The following CAMK1D variants were observed in gnomAD, a reference collection of about 807,000 sequenced individuals.
CAMK1D encodes the protein calcium/calmodulin-dependent protein kinase type 1D.
A neutral mutation model predicts 47.7 loss-of-function variants in CAMK1D; 9 were observed. The ratio of observed to expected loss-of-function variants is 0.19; its 90% CI spans 0.11 to 0.33. The LOEUF (loss-of-function observed/expected upper bound fraction) is 0.33, where lower values mean the gene tolerates loss of function less well. Among genes scored for constraint, CAMK1D ranks in the 10% least tolerant of loss-of-function variants. The pLI, the probability that CAMK1D is intolerant of heterozygous loss-of-function variation, is 1.00. For synonymous variants in CAMK1D, 184 were observed against 184.9 expected (o/e 0.99, Z 0.04); for missense variants, 291 against 488.7 (o/e 0.60, Z 3.81).
At chr10:12,472,435 C>G (rs1054116596) in intron 1 of CAMK1D, among the ~76,000 whole-genome samples, 5 of 152,120 alleles carry the variant, frequency 3.3e-5, no homozygotes, top group Non-Finnish European at 7.4e-5. Context: ...GCAGGGAGGC[C>G]TCGCTTGTTG....
At chr10:12,773,361 C>T (rs1204958738) in intron 5 of CAMK1D, among the ~76,000 whole-genome samples, 1 of 152,122 alleles carries the variant, frequency 6.6e-6, no homozygotes, top group Non-Finnish European at 1.5e-5. Context: ...CTCAGATGGT[C>T]GAGTTCCTGG....
At chr10:12,630,110 AGC>A (rs1353919899) in intron 2 of CAMK1D, among the ~76,000 whole-genome samples, 2 of 152,204 alleles carry the variant, frequency 1.3e-5, no homozygotes, top group African/African-American at 4.8e-5. Flanking sequence ...AGTTCTTTCT[AGC>A]CATAAGGATG....
chr10:12,463,051 C>T (rs184311911), intron 1 of CAMK1D, among the ~76,000 whole-genome samples: 331 of 152,088 alleles, frequency 2.2e-3, no homozygotes, highest in African/African-American at 7.5e-3. Flanking sequence ...CAGCAGCTGG[C>T]ACTCATATCT....
At chr10:12,553,414 A>C (rs1588626022) in intron 2 of CAMK1D, 58 bp downstream of exon 2, 28 of 1,434,032 alleles carry the variant, frequency 2.0e-5, no homozygotes, top group South Asian at 6.9e-5. Flanking sequence ...TGTGTCCTGC[A>C]GGAGTCCTGC....
At chr10:12,817,503 T>C (rs1355848355) in intron 8 of CAMK1D, among the ~76,000 whole-genome samples, 2 of 152,210 alleles carry the variant, frequency 1.3e-5, no homozygotes, top group East Asian at 3.9e-4. Context: ...CCAGCTTCAC[T>C]ATCAGCTAGC....
rs142068960 is a variant in CAMK1D, at chr10:12,413,262, G to A, written c.92+63352G>A. Among the ~76,000 whole-genome samples, 529 of 152,218 alleles carry A rather than the reference G, an allele frequency of 3.5e-3. 4 individuals are homozygous for A. The highest frequency in any genetic ancestry group is 0.012 in the African/African-American group (513 of 41,528). ...AAGCAGGAGCAAGTGAGAGCGAGGC[G>A]GGAAGGGGAGTGCCACACACTTGCA... On this transcript the variant is annotated intron_variant, in intron 1 of 10. Coordinates refer to ENST00000619168, the MANE Select transcript of CAMK1D (RefSeq NM_153498.4).
intron 1 of CAMK1D, among the ~76,000 whole-genome samples, chr10:12,392,438 C>T (rs1480634979): frequency 6.6e-6 from 1 of 152,252 alleles, no homozygotes; most frequent in East Asian, 1.9e-4. Flanking sequence ...AAGGACTTCC[C>T]ATAAGTAGCA....
intron 3 of CAMK1D, among the ~76,000 whole-genome samples, chr10:12,758,166 A>G (rs1488225283): frequency 6.6e-6 from 1 of 151,926 alleles, no homozygotes; most frequent in Non-Finnish European, 1.5e-5. Flanking sequence ...TCTTGACTTC[A>G]TCTAAACCTA....
intron 1 of CAMK1D, among the ~76,000 whole-genome samples, chr10:12,470,942 G>A (rs56185721): frequency 0.089 from 13,489 of 152,264 alleles, 676 homozygotes; most frequent in East Asian, 0.14. Flanking sequence ...GCGTGTGTGC[G>A]TGGTGGGGCT....
chr10:12,821,696 C>T (rs566687855), intron 8 of CAMK1D, among the ~76,000 whole-genome samples: 65 of 152,294 alleles, frequency 4.3e-4, no homozygotes, highest in African/African-American at 1.3e-3. Flanking sequence ...GAAAGCTGGC[C>T]GGGTGTGGTG....
At chr10:12,624,724 A>G (rs956157388) in intron 2 of CAMK1D, among the ~76,000 whole-genome samples, 2 of 152,174 alleles carry the variant, frequency 1.3e-5, no homozygotes, top group African/African-American at 2.4e-5. Context: ...TCATTTAGAG[A>G]AATACATTTC....
At chr10:12,773,361 C>G (rs1204958738) in intron 5 of CAMK1D, among the ~76,000 whole-genome samples, 3 of 152,122 alleles carry the variant, frequency 2.0e-5, no homozygotes, top group African/African-American at 7.2e-5. Context: ...CTCAGATGGT[C>G]GAGTTCCTGG....
chr10:12,694,153 ATATATATTATGCATAATATAT>A lies in CAMK1D; in HGVS notation c.299+27344_299+27364del, dbSNP rs1833100399. Among the ~76,000 whole-genome samples, 2 of 46,734 alleles carry A rather than the reference ATATATATTATGCATAATATAT, an allele frequency of 4.3e-5. 1 individual carries two copies. The highest frequency in any genetic ancestry group is 6.8e-5 in the Non-Finnish European group (2 of 29,252). The allele number at this position is 46,734 out of a possible 152,430, so 30.7% of individuals were successfully genotyped here. On this transcript the variant is annotated intron_variant, in intron 3 of 10. Transcript: ENST00000619168. The stretch of plus-strand genomic sequence containing the variant: ...TATATTATATATAATATAATATATA[ATATATATTATGCATAATATAT>A]ATTATATATAATATAATATATATTA...
intron 1 of CAMK1D, among the ~76,000 whole-genome samples, chr10:12,420,255 G>A (rs1309624847): frequency 6.6e-6 from 1 of 152,184 alleles, no homozygotes; most frequent in Non-Finnish European, 1.5e-5. Context: ...ACCACGCCTG[G>A]CCCATGTCTA....
At chr10:12,809,498 A>G (rs770864154) in intron 6 of CAMK1D, among the ~76,000 whole-genome samples, 5 of 152,254 alleles carry the variant, frequency 3.3e-5, no homozygotes, top group Non-Finnish European at 7.3e-5. Flanking sequence ...CCATGAACAT[A>G]TGAGTGGTTA....
chr10:12,393,639 C>T (rs544743297), intron 1 of CAMK1D, among the ~76,000 whole-genome samples: 2 of 152,322 alleles, frequency 1.3e-5, no homozygotes, highest in East Asian at 3.9e-4. Flanking sequence ...GAGACCAAAT[C>T]AATGCTGTGT....
chr10:12,587,703 C>T (rs1837861979), intron 2 of CAMK1D, among the ~76,000 whole-genome samples: 1 of 152,174 alleles, frequency 6.6e-6, no homozygotes, highest in African/African-American at 2.4e-5. Flanking sequence ...AGTGGAATTC[C>T]TTTCCTTCTT....
At chr10:12,482,638 G>T (rs17491614) in intron 1 of CAMK1D, among the ~76,000 whole-genome samples, 1 of 152,104 alleles carries the variant, frequency 6.6e-6, no homozygotes, top group Non-Finnish European at 1.5e-5. Flanking sequence ...CCCCATATGC[G>T]TGTATACGTG....
At chr10:12,477,469 A>G (rs949799974) in intron 1 of CAMK1D, among the ~76,000 whole-genome samples, 9 of 152,162 alleles carry the variant, frequency 5.9e-5, no homozygotes, top group African/African-American at 2.2e-4. Context: ...ATCTGAGATG[A>G]CTGGGGAAGA....
Sources: allele counts gnomAD v4.1 joint callset (sites outside exome capture counted in the v4.1 genomes callset), GRCh38; gene constraint gnomAD v4.1.1; transcripts MANE v1.5; gene names NCBI Gene and HGNC (gene_info 2026-07-23, HGNC 2026-07-21).